The following LINGO1 variants were observed in gnomAD, a reference collection of about 807,000 sequenced individuals.
LINGO1 encodes leucine-rich repeat and immunoglobulin-like domain-containing nogo receptor-interacting protein 1.
A neutral mutation model predicts 37.3 loss-of-function variants in LINGO1; 11 were observed. The ratio of observed to expected loss-of-function variants is 0.29; its 90% CI spans 0.19 to 0.49. The LOEUF (loss-of-function observed/expected upper bound fraction) is 0.49, where lower values mean the gene tolerates loss of function less well. Among genes scored for constraint, LINGO1 ranks in the 20% least tolerant of loss-of-function variants. The pLI, the probability that LINGO1 is intolerant of heterozygous loss-of-function variation, is 0.99. For synonymous variants in LINGO1, 387 were observed against 403.0 expected (o/e 0.96, Z 0.48); for missense variants, 585 against 878.2 (o/e 0.67, Z 4.22).
intron 1 of LINGO1, among the ~76,000 whole-genome samples, chr15:77,813,083 C>T (rs1036911725): frequency 7.9e-5 from 12 of 152,200 alleles, no homozygotes; most frequent in Admixed American, 2.6e-4. Context: ...CAAGGTGCTC[C>T]CAAGTCAAAA....
At chr15:77,725,167 T>C in intron 2 of LINGO1, among the ~76,000 whole-genome samples, 1 of 152,228 alleles carries the variant, frequency 6.6e-6, no homozygotes, top group East Asian at 1.9e-4. Context: ...CCCCAGGACC[T>C]GAGAAGGACA....
At chr15:77,695,794 G>C (rs2075681755) in intron 1 of LINGO1, among the ~76,000 whole-genome samples, 1 of 152,244 alleles carries the variant, frequency 6.6e-6, no homozygotes, top group South Asian at 2.1e-4. Flanking sequence ...CCCGAGGCCG[G>C]CTGGCAGCCC....
At position 77,760,916 on chromosome 15, in the gene LINGO1, C is replaced by CTTTTTTTTT. The variant is rs34524098; in HGVS notation, c.-256-25872_-256-25864dup. On this transcript the variant is annotated intron_variant, in intron 1 of 3. Transcript: ENST00000561686. The stretch of plus-strand genomic sequence containing the variant: ...TTTTGTTGTGATTGTTAATAAGTAT[C>CTTTTTTTTT]TTTTTTTTTTTTTTTTTTTTTTTTT... Among the ~76,000 whole-genome samples, 86 of 96,410 alleles carry CTTTTTTTTT rather than the reference C, an allele frequency of 8.9e-4. 15 individuals are homozygous for CTTTTTTTTT. The highest frequency in any genetic ancestry group is 4.0e-3 in the African/African-American group (82 of 20,512). The allele number at this position is 96,410 out of a possible 152,430, so 63.2% of individuals were successfully genotyped here. A position where few individuals can be genotyped will look rare whatever the true frequency, so the allele number is the denominator to read the frequency against.
upstream of LINGO1, among the ~76,000 whole-genome samples, chr15:77,699,163 C>T (rs1221052294): frequency 1.3e-5 from 2 of 152,032 alleles, no homozygotes. Flanking sequence ...CATTAGCATT[C>T]GCTGCTGAGG....
At chr15:77,789,711 G>A (rs992551502), upstream of LINGO1, among the ~76,000 whole-genome samples, 1 of 152,200 alleles carries the variant, frequency 6.6e-6, no homozygotes, top group Non-Finnish European at 1.5e-5. Flanking sequence ...GCCAAGGAGA[G>A]AGGCCTGAAA....
intron 3 of LINGO1, among the ~76,000 whole-genome samples, chr15:77,664,785 T>A (rs2075094168): frequency 6.6e-6 from 1 of 152,170 alleles, no homozygotes; most frequent in African/African-American, 2.4e-5. Context: ...GACCCAGGCC[T>A]GAGAGCAGCA....
chr15:77,795,615 C>T (rs1205154416), intron 2 of LINGO1, among the ~76,000 whole-genome samples: 1 of 152,216 alleles, frequency 6.6e-6, no homozygotes, highest in Non-Finnish European at 1.5e-5. Flanking sequence ...AAGTCAGGCA[C>T]ACATTTGGTC....
chr15:77,708,363 A>G (rs556326735), intron 2 of LINGO1, among the ~76,000 whole-genome samples: 4 of 152,288 alleles, frequency 2.6e-5, no homozygotes, highest in African/African-American at 9.6e-5. Context: ...GGGGCAGAGG[A>G]AACTGATGGA....
In LINGO1 at chr15:77,692,706, G is replaced by A. The variant is rs1310261582; in HGVS notation, c.-280-1805C>T. On this transcript the variant is annotated intron_variant, in intron 1 of 3. Coordinates refer to the LINGO1 transcript ENST00000559893. The stretch of plus-strand genomic sequence containing the variant: ...GGTGAGATCCTCACCTCCGAGGGCA[G>A]CAGGGAGCAGCCCTGGGCAGAGGTA... Among the ~76,000 whole-genome samples the A allele has an allele frequency of 2.6e-5, 4 of 152,174 alleles. No individual in the cohort carries two copies. In the East Asian group the frequency reaches 7.7e-4, roughly 29 times the overall value.
At chr15:77,739,120 G>C (rs2076234113) in intron 1 of LINGO1, among the ~76,000 whole-genome samples, 1 of 152,254 alleles carries the variant, frequency 6.6e-6, no homozygotes, top group Non-Finnish European at 1.5e-5. Flanking sequence ...AGGGAGCCTT[G>C]GGGGCGGCCG....
intron 1 of LINGO1, among the ~76,000 whole-genome samples, chr15:77,694,837 A>G (rs2038830437): frequency 6.6e-6 from 1 of 152,124 alleles, no homozygotes; most frequent in South Asian, 2.1e-4. Context: ...CCACCTGACC[A>G]CCTTCTGACC....
intron 1 of LINGO1, among the ~76,000 whole-genome samples, chr15:77,804,656 G>C (rs2076945366): frequency 6.6e-6 from 1 of 152,132 alleles, no homozygotes; most frequent in East Asian, 1.9e-4. Context: ...TGGCTGGCCT[G>C]ACCCCGGCTC....
chr15:77,785,462 C>T (rs1430839943), intron 1 of LINGO1, among the ~76,000 whole-genome samples: 1 of 152,158 alleles, frequency 6.6e-6, no homozygotes, highest in Non-Finnish European at 1.5e-5. Flanking sequence ...AATCCTGCCC[C>T]TCCCTGCAAC....
intron 1 of LINGO1, among the ~76,000 whole-genome samples, chr15:77,742,464 G>A (rs941124994): frequency 1.3e-5 from 2 of 152,196 alleles, no homozygotes; most frequent in African/African-American, 4.8e-5. Context: ...TTCCAGAGGG[G>A]AAACTAAGGT....
chr15:77,673,246 A>C (rs1410344763), intron 3 of LINGO1, among the ~76,000 whole-genome samples: 1 of 152,230 alleles, frequency 6.6e-6, no homozygotes, highest in Admixed American at 6.5e-5. Flanking sequence ...GATAGACTTG[A>C]ACACAGGACA....
chr15:77,685,091 G>C (rs2075482805), intron 2 of LINGO1, among the ~76,000 whole-genome samples: 2 of 150,318 alleles, frequency 1.3e-5, no homozygotes, highest in South Asian at 4.3e-4. Context: ...TGGAGGGGGT[G>C]GGTGTGGGGA....
At chr15:77,689,432 T>A (rs1269529782) in intron 2 of LINGO1, among the ~76,000 whole-genome samples, 1 of 152,124 alleles carries the variant, frequency 6.6e-6, no homozygotes, top group African/African-American at 2.4e-5. Flanking sequence ...CGCTACCCTG[T>A]CCCCCAGCTG....
Position 77,613,944 on chromosome 15 carries a change from A to G in LINGO1, c.*100T>C. The G allele has an allele frequency of 2.1e-6, 2 of 962,234 alleles. No individual in the cohort carries two copies. Among genetic ancestry groups the G allele is most frequent in the Non-Finnish European group, 3.0e-6 (2 of 656,714 alleles). 59.6% of individuals were successfully genotyped at this position (962,234 alleles called of 1,614,324 possible). On this transcript the variant is annotated 3_prime_UTR_variant, in exon 2 of 2. Coordinates refer to ENST00000355300, the MANE Select transcript of LINGO1 (RefSeq NM_032808.7). ...GAGGGAGAAAGAGAACGTGTGTAGA[A>G]GGGTAGGGAGGAGGTGGGAAGGACT...
intron 1 of LINGO1, among the ~76,000 whole-genome samples, chr15:77,818,863 C>A (rs1347508671): frequency 6.6e-6 from 1 of 151,602 alleles, no homozygotes; most frequent in Non-Finnish European, 1.5e-5. Context: ...GCGCACCCCT[C>A]CGCCCGCCAG....
Sources: allele counts gnomAD v4.1 joint callset (sites outside exome capture counted in the v4.1 genomes callset), GRCh38; gene constraint gnomAD v4.1.1; transcripts MANE v1.5; gene names NCBI Gene and HGNC (gene_info 2026-07-23, HGNC 2026-07-21).